The following ADGRL2 variants were observed in gnomAD, a reference collection of about 807,000 sequenced individuals.
ADGRL2 encodes calcium-independent alpha-latrotoxin receptor 2.
In ADGRL2, 44 loss-of-function variants were observed where a neutral mutation model predicts 157.4. The ratio of observed to expected loss-of-function variants is 0.28; its 90% confidence interval spans 0.22 to 0.36. The LOEUF is 0.36. Among genes scored for constraint, ADGRL2 ranks in the 10% least tolerant of loss-of-function variants. The pLI is 1.00. For synonymous variants in ADGRL2, 585 were observed against 624.7 expected, an observed-to-expected ratio of 0.94 and a Z score of 0.95; for missense variants, 1,510 against 1,768.9, an observed-to-expected ratio of 0.85 and a Z score of 2.63.
intron 1 of ADGRL2, among the ~76,000 whole-genome samples, chr1:81,436,753 C>G (rs1419876574): frequency 1.3e-5 from 2 of 152,200 alleles, no homozygotes; most frequent in Non-Finnish European, 2.9e-5. Flanking sequence ...CTCAGTGAAC[C>G]TCACTTATGT....
At chr1:81,384,530 C>A (rs1368291434) in intron 1 of ADGRL2, among the ~76,000 whole-genome samples, 1 of 152,058 alleles carries the variant, frequency 6.6e-6, no homozygotes, top group Non-Finnish European at 1.5e-5. Flanking sequence ...TAATTTGTCA[C>A]CATTTTAAAT....
chr1:81,670,859 G>T (rs115409416), intron 3 of ADGRL2, among the ~76,000 whole-genome samples: 1 of 152,030 alleles, frequency 6.6e-6, no homozygotes, highest in Non-Finnish European at 1.5e-5. Context: ...ACAGGTACAC[G>T]CCACCATGTC....
intron 1 of ADGRL2, among the ~76,000 whole-genome samples, chr1:81,443,933 A>G (rs951419987): frequency 6.6e-6 from 1 of 152,192 alleles, no homozygotes; most frequent in East Asian, 1.9e-4. Context: ...AGAAGAAAAA[A>G]TGAGTATTTA....
At chr1:81,969,134 G>A in intron 14 of ADGRL2, 44 bp from the exon 15 acceptor site, 2 of 1,361,958 alleles carry the variant, frequency 1.5e-6, no homozygotes, top group Non-Finnish European at 2.1e-6. Context: ...TCTAGTTGAT[G>A]TAATGCAGGA....
chr1:81,780,115 C>A (rs1382604430), intron 2 of ADGRL2, among the ~76,000 whole-genome samples: 1 of 152,124 alleles, frequency 6.6e-6, no homozygotes, highest in Non-Finnish European at 1.5e-5. Context: ...AGATTTTTAT[C>A]CAGTGTTCCT....
intron 1 of ADGRL2, among the ~76,000 whole-genome samples, chr1:81,393,548 T>A (rs1483849081): frequency 6.6e-6 from 1 of 152,120 alleles, no homozygotes; most frequent in Non-Finnish European, 1.5e-5. Context: ...ACAAACTTCC[T>A]CTCCCTTTTT....
chr1:81,969,693 T>C (rs371210876), intron 15 of ADGRL2, among the ~76,000 whole-genome samples: 2 of 152,170 alleles, frequency 1.3e-5, no homozygotes, highest in East Asian at 3.8e-4. Context: ...CTTATTTTGT[T>C]TACATAGTCA....
At chr1:81,511,772 A>C (rs2079083201) in intron 2 of ADGRL2, among the ~76,000 whole-genome samples, 1 of 152,126 alleles carries the variant, frequency 6.6e-6, no homozygotes, top group African/African-American at 2.4e-5. Flanking sequence ...TTTGGACCAA[A>C]TTATAGAGAA....
intron 1 of ADGRL2, among the ~76,000 whole-genome samples, chr1:81,391,059 G>T (rs1358581773): frequency 6.6e-6 from 1 of 152,304 alleles, no homozygotes; most frequent in African/African-American, 2.4e-5. Flanking sequence ...TACTGAGTTA[G>T]AAATTCATTT....
intron 8 of ADGRL2, 135 bp downstream of exon 8, chr1:81,951,256 A>G (rs766069638): frequency 3.5e-6 from 2 of 578,834 alleles, no homozygotes; most frequent in Non-Finnish European, 6.2e-6. Flanking sequence ...AATTACGCAT[A>G]GTTTTGTCTG....
At chr1:81,513,921 C>G (rs376739535) in intron 2 of ADGRL2, 20 of 152,174 alleles carry the variant, frequency 1.3e-4, no homozygotes, top group African/African-American at 4.1e-4. Flanking sequence ...ATTTATCCCC[C>G]CTTCCTGTCA....
In ADGRL2 at chr1:81,805,713, G is replaced by A. The variant is rs2089027311; in HGVS notation, c.-101+4645G>A. On this transcript the variant is annotated intron_variant, in intron 1 of 23. Coordinates refer to ENST00000686636, the MANE Select transcript of ADGRL2 (RefSeq NM_001366006.2). The stretch of plus-strand genomic sequence containing the variant: ...TTTATCTGATCCCTTCACTTGTCTA[G>A]GAAGTACTTTAGTGGTTAAAAAAAA... Among the ~76,000 whole-genome samples the A allele has an allele frequency of 2.8e-5, 4 of 143,724 alleles. No individual in the cohort carries two copies. In the South Asian group the frequency reaches 9.1e-4, roughly 33 times the overall value. The allele number at this position is 143,724 out of a possible 152,430, so 94.3% of individuals were successfully genotyped here.
intron 1 of ADGRL2, among the ~76,000 whole-genome samples, chr1:81,805,136 AAT>A (rs2088923374): frequency 6.6e-6 from 1 of 152,130 alleles, no homozygotes; most frequent in African/African-American, 2.4e-5. Flanking sequence ...TATTTTAAAA[AAT>A]ATAGTTTATT....
intron 1 of ADGRL2, among the ~76,000 whole-genome samples, chr1:81,354,024 G>A (rs1002476469): frequency 2.6e-5 from 4 of 152,146 alleles, no homozygotes; most frequent in Admixed American, 6.5e-5. Flanking sequence ...GACTGAAAAG[G>A]GAGAGTAACA....
At chr1:81,966,036 C>T (rs752898995) in intron 11 of ADGRL2, 22 bp from the exon 12 acceptor site, 1 of 1,611,752 alleles carries the variant, frequency 6.2e-7, no homozygotes, top group Non-Finnish European at 8.5e-7. Context: ...TCCCCACCTC[C>T]TTTATCTTTT....
chr1:81,501,884 A>G, intron 2 of ADGRL2: 1 of 1,607,470 alleles, frequency 6.2e-7, no homozygotes, highest in South Asian at 1.1e-5. Context: ...GGGCCAGCAG[A>G]TGAGAGAAGC....
Position 81,722,613 on chromosome 1 carries a change from C to T in ADGRL2, c.-143+22805C>T, listed in dbSNP as rs2084370870. ...GGGAAGATGTAGCCCATGATCTTGC[C>T]CTTGCCTGTAAATTGGATTACGATG... is the stretch of plus-strand genomic sequence containing the variant. On this transcript the variant is annotated intron_variant, in intron 1 of 20. Coordinates refer to the ADGRL2 transcript ENST00000359929. 5 of 1,436,314 alleles carry T rather than the reference C, an allele frequency of 3.5e-6. No homozygotes were observed. The South Asian group carries it at 5.7e-5, about 16-fold the overall frequency. The allele number at this position is 1,436,314 out of a possible 1,614,324, so 89.0% of individuals were successfully genotyped here. A position where few individuals can be genotyped will look rare whatever the true frequency, so the allele number is the denominator to read the frequency against.
At chr1:81,962,870 C>T (rs1327021) in intron 11 of ADGRL2, among the ~76,000 whole-genome samples, 33,779 of 151,900 alleles carry the variant, frequency 0.22, 4,088 homozygotes, top group Admixed American at 0.26. Context: ...GTCTTTCAGC[C>T]TTGCTCCTTA....
chr1:81,655,139 C>T (rs1370597303), intron 3 of ADGRL2, among the ~76,000 whole-genome samples: 3 of 152,160 alleles, frequency 2.0e-5, no homozygotes, highest in African/African-American at 7.2e-5. Flanking sequence ...GCCAGGACTA[C>T]GGGCGCATGC....
Sources: gnomAD v4.1 joint callset for allele counts (sites outside exome capture counted in the v4.1 genomes callset) on GRCh38, gnomAD v4.1.1 for gene constraint, MANE v1.5 for transcripts, NCBI Gene and HGNC (gene_info 2026-07-23, HGNC 2026-07-21) for gene names.